NSD1: variants seen among roughly 807,000 people sequenced by gnomAD.
NSD1 encodes histone-lysine N-methyltransferase, H3 lysine-36 specific.
In NSD1, 26 loss-of-function variants were observed where a neutral mutation model predicts 242.7. The ratio of observed to expected loss-of-function variants is 0.11; its 90% confidence interval spans 0.08 to 0.15. NSD1 has a LOEUF of 0.15. Ranked by LOEUF, NSD1 falls within the 10% of genes least tolerant of loss-of-function variation. The probability of loss-of-function intolerance (pLI) is 1.00; values close to 1 mark genes in which losing one functional copy is unlikely to be tolerated. For missense variants in NSD1, 2,495 were observed against 3,272.8 expected (o/e 0.76, Z 5.80); for synonymous variants, 1,106 against 1,178.1 (o/e 0.94, Z 1.25).
intron 14 of NSD1, among the ~76,000 whole-genome samples, chr5:177,262,143 G>A (rs1757045324): frequency 6.6e-6 from 1 of 152,100 alleles, no homozygotes; most frequent in South Asian, 2.1e-4. Flanking sequence ...AGTTTAAATG[G>A]TCTCTGGTCT....
At chr5:177,137,698 A>G (rs1048967638) in intron 2 of NSD1, among the ~76,000 whole-genome samples, 5 of 152,098 alleles carry the variant, frequency 3.3e-5, no homozygotes, top group African/African-American at 1.2e-4. Flanking sequence ...TAAATCTGAG[A>G]ATGGAGATAG....
chr5:177,192,367 C>T (rs991189018), intron 3 of NSD1, among the ~76,000 whole-genome samples: 3 of 151,580 alleles, frequency 2.0e-5, no homozygotes, highest in Admixed American at 6.6e-5. Context: ...TCCGCCACCA[C>T]GCTTGGCTAA....
At position 177,211,537 on chromosome 5, in the gene NSD1, A is replaced by T. The variant is rs774919364; in HGVS notation, c.3138A>T (p.Lys1046Asn). 20 of 1,614,026 alleles carry T rather than the reference A, an allele frequency of 1.2e-5. No individual in the cohort carries two copies. The highest frequency in any genetic ancestry group is 1.7e-5 in the Non-Finnish European group (20 of 1,180,056). ...TGGTAAAGAACACAGTGAACCGTAA[A>T]GCCTTAAAGACCGAGCGCAAAAGAA... The part of the protein sequence containing the change: ...AQMVKNTVNR[K>N]ALKTERKRKL... Residue 1046 changes from lysine to asparagine, a missense_variant, in exon 5 of 23, where the codon AAA becomes AAT. Coordinates refer to ENST00000439151, the MANE Select transcript of NSD1 (RefSeq NM_022455.5).
chr5:177,138,588 G>A (rs1199841741), intron 2 of NSD1, among the ~76,000 whole-genome samples: 1 of 151,770 alleles, frequency 6.6e-6, no homozygotes, highest in Admixed American at 6.6e-5. Flanking sequence ...TTGGTTCAAA[G>A]TTGTGATTGA....
In NSD1 at chr5:177,298,253, G is replaced by C. The variant is rs969129915; in HGVS notation, c.*2794G>C. On this transcript the variant is annotated 3_prime_UTR_variant, in exon 23 of 23. Coordinates refer to ENST00000439151, the MANE Select transcript of NSD1 (RefSeq NM_022455.5). ...AAATCTTTCATCTTAGAAAACTTCTGGTCCTTAACGCAGGGTGGTATTTGG... is the reference window on the plus strand; with the variant it reads ...AAATCTTTCATCTTAGAAAACTTCTCGTCCTTAACGCAGGGTGGTATTTGG... 1.3e-5 allele frequency: 3 copies of C among 233,056 alleles called. No individual in the cohort carries two copies. The highest frequency in any genetic ancestry group is 6.6e-5 in the African/African-American group (3 of 45,302). The allele number at this position is 233,056 out of a possible 1,614,324, so 14.4% of individuals were successfully genotyped here. A position where few individuals can be genotyped will look rare whatever the true frequency, so the allele number is the denominator to read the frequency against.
chr5:177,210,251 A>C lies in NSD1; in HGVS notation c.1852A>C (p.Lys618Gln), dbSNP rs762066977. Residue 618 changes from lysine to glutamine, a missense_variant, in exon 5 of 23, where the codon AAA becomes CAA. By Grantham distance (53) the Lys-to-Gln change is moderately conservative (BLOSUM62 1). Around this residue, in one of 19 missense-constraint regions of NSD1, gnomAD observed 515 missense variants for 467.0 expected, o/e 1.10. Coordinates refer to ENST00000439151, the MANE Select transcript of NSD1 (RefSeq NM_022455.5). ...KPQRSLVCGS[K>Q]VKLCYIGAGD... Reference sequence around the variant, plus strand: ...CCAACGAAGCCTGGTGTGTGGTTCAAAAGTGAAGCTCTGCTATATTGGAGC... The same window carrying C: ...CCAACGAAGCCTGGTGTGTGGTTCACAAGTGAAGCTCTGCTATATTGGAGC... 1.9e-6 allele frequency: 3 copies of C among 1,600,104 alleles called. No individual in the cohort carries two copies. The highest frequency in any genetic ancestry group is 2.2e-5 in the East Asian group (1 of 44,714).
At chr5:177,213,529 G>A (rs564685477) in intron 5 of NSD1, among the ~76,000 whole-genome samples, 18 of 152,112 alleles carry the variant, frequency 1.2e-4, no homozygotes, top group Non-Finnish European at 1.6e-4. Context: ...GTGCCGTGGC[G>A]TGATCTCGGC....
At chr5:177,191,847 G>T (rs1299411156) in intron 2 of NSD1, 37 bp from the exon 3 acceptor site, 2 of 1,608,294 alleles carry the variant, frequency 1.2e-6, no homozygotes, top group Admixed American at 1.7e-5. Context: ...AAAATATTTT[G>T]ATTCTTATTG....
At position 177,238,100 on chromosome 5, in the gene NSD1, A is replaced by T; in HGVS notation, c.3922-137A>T. 1.1e-6 allele frequency: 1 copy of T among 912,854 alleles called. No individual in the cohort carries two copies. The allele number at this position is 912,854 out of a possible 1,614,324, so 56.5% of individuals were successfully genotyped here. A position where few individuals can be genotyped will look rare whatever the true frequency, so the allele number is the denominator to read the frequency against. On this transcript the variant is annotated intron_variant, in intron 6 of 22. Transcript: ENST00000439151. This position sits in a 1 kb window ranked among gnomAD's most constrained non-coding sequence, Gnocchi z 4.6. ...TGTCTTAAGTAATTTCCCTTAGCAT[A>T]CATAATGTCTTCAAGGTTCATCCAC...
At chr5:177,271,072 G>A (rs190241996) in intron 16 of NSD1, among the ~76,000 whole-genome samples, 67 of 152,254 alleles carry the variant, frequency 4.4e-4, no homozygotes, top group African/African-American at 1.5e-3. Context: ...CCGCAGGTCT[G>A]AGCCTGCCTA....
intron 2 of NSD1, among the ~76,000 whole-genome samples, chr5:177,173,493 G>A (rs1465021387): frequency 1.1e-5 from 1 of 88,376 alleles, no homozygotes; most frequent in Non-Finnish European, 2.1e-5. Context: ...TTTTTTTTGC[G>A]ACGGAGTTTC....
Position 177,294,791 on chromosome 5 carries a change from G to A in NSD1, c.7423G>A (p.Val2475Ile), listed in dbSNP as rs1159064812. Reference protein sequence around the residue: ...QKERAASPHQVTPQADEKMPV... With the variant: ...QKERAASPHQITPQADEKMPV... Reference sequence around the variant, plus strand: ...GGAGCGGGCAGCTTCACCTCATCAGGTCACACCACAGGCTGATGAGAAGAT... The same window carrying A: ...GGAGCGGGCAGCTTCACCTCATCAGATCACACCACAGGCTGATGAGAAGAT... Residue 2475 changes from valine (V) to isoleucine (I), a missense_variant, in exon 23 of 23, where the codon GTC (valine) becomes ATC (isoleucine). Physicochemically the swap from Val to Ile is conservative, Grantham distance 29. This residue lies in a region of NSD1 where 475 missense variants were observed against 563.7 expected (regional missense o/e 0.84). Coordinates refer to ENST00000439151, the MANE Select transcript of NSD1 (RefSeq NM_022455.5). The A allele has an allele frequency of 1.9e-6, 3 of 1,613,402 alleles. No homozygotes were observed. Among genetic ancestry groups the A allele is most frequent in the South Asian group, 1.1e-5 (1 of 91,086 alleles).
intron 2 of NSD1, among the ~76,000 whole-genome samples, chr5:177,141,319 CTTTTTTTTTTTTT>C (rs567992731): frequency 9.3e-5 from 9 of 97,034 alleles, no homozygotes; most frequent in African/African-American, 3.5e-4. Context: ...CGCGCGCAGC[CTTTTTTTTTTTTT>C]TTTTTTTTTT....
intron 2 of NSD1, among the ~76,000 whole-genome samples, chr5:177,175,729 T>A (rs1760137305): frequency 6.6e-6 from 1 of 152,110 alleles, no homozygotes; most frequent in Admixed American, 6.6e-5. Context: ...ATTTAAGCCA[T>A]ATGGAAAATA....
At chr5:177,284,190 C>A (rs1759116311) in intron 20 of NSD1, among the ~76,000 whole-genome samples, 1 of 152,224 alleles carries the variant, frequency 6.6e-6, no homozygotes, top group Admixed American at 6.5e-5. Flanking sequence ...TACCATTCTA[C>A]TTTCTGTCTC....
chr5:177,263,489 G>A (rs866341300), intron 14 of NSD1, among the ~76,000 whole-genome samples: 6 of 152,160 alleles, frequency 3.9e-5, no homozygotes, highest in Admixed American at 1.3e-4. Context: ...ATCGTGTTCT[G>A]TATCATCACC....
At chr5:177,275,573 A>G (rs986484899) in intron 17 of NSD1, among the ~76,000 whole-genome samples, 1 of 149,590 alleles carries the variant, frequency 6.7e-6, no homozygotes, top group Non-Finnish European at 1.5e-5. Flanking sequence ...AGCTGGGACT[A>G]CAGGCGCCCG....
chr5:177,265,798 C>T, intron 14 of NSD1: 1 of 1,405,656 alleles, frequency 7.1e-7, no homozygotes, highest in Non-Finnish European at 1.0e-6. Flanking sequence ...TCCCTCCGGT[C>T]CTCTTGTGGC....
At chr5:177,218,873 C>CT (rs1026299901) in intron 5 of NSD1, among the ~76,000 whole-genome samples, 33 of 148,044 alleles carry the variant, frequency 2.2e-4, no homozygotes, top group Middle Eastern at 3.6e-3. Flanking sequence ...CCGGCCCCCC[C>CT]TTTTTTTTTT....
Sources: gnomAD v4.1 joint callset for allele counts (sites outside exome capture counted in the v4.1 genomes callset) on GRCh38, gnomAD v4.1.1 for gene constraint, gnomAD v4.1.1 regional missense constraint, Gnocchi (gnomAD v3.1) non-coding constraint, MANE v1.5 for transcripts, NCBI Gene and HGNC (gene_info 2026-07-23, HGNC 2026-07-21) for gene names.